The following APC variants were observed in gnomAD, a reference collection of about 807,000 sequenced individuals.
The protein encoded by APC is APC regulator of Wnt signaling pathway.
APC carries 72 observed loss-of-function variants against 247.0 expected under a neutral mutation model. The ratio of observed to expected loss-of-function variants is 0.29; its 90% CI spans 0.24 to 0.35. The LOEUF (loss-of-function observed/expected upper bound fraction) is 0.35, where lower values mean the gene tolerates loss of function less well. APC is among the 10% of genes least tolerant of loss of function. The pLI is 1.00. For synonymous variants in APC, 1,254 were observed against 1,162.5 expected (o/e 1.08, Z -1.60); for missense variants, 3,400 against 3,360.7 (o/e 1.01, Z -0.29).
At chr5:112,820,046 T>C (rs368984527) in intron 10 of APC, among the ~76,000 whole-genome samples, 19 of 152,088 alleles carry the variant, frequency 1.2e-4, no homozygotes, top group African/African-American at 4.6e-4. Flanking sequence ...AAGGGACCCT[T>C]AGACCTCAGC....
intron 4 of APC, among the ~76,000 whole-genome samples, chr5:112,771,913 C>G (rs1757095465): frequency 6.6e-6 from 1 of 152,066 alleles, no homozygotes; most frequent in Admixed American, 6.6e-5. Flanking sequence ...GCTTTATAAG[C>G]TGGGTTTTGA....
intron 7 of APC, among the ~76,000 whole-genome samples, chr5:112,800,637 G>A (rs915037396): frequency 6.6e-6 from 1 of 151,978 alleles, no homozygotes; most frequent in Non-Finnish European, 1.5e-5. Context: ...TAATTTTGTG[G>A]TGGTATTTTT....
In APC at chr5:112,707,543, G is replaced by A. The variant is rs1334013498; in HGVS notation, c.-175G>A. 2 of 533,226 alleles carry A rather than the reference G, an allele frequency of 3.8e-6. No individual in the cohort carries two copies. Among genetic ancestry groups the A allele is most frequent in the South Asian group, 3.8e-5 (2 of 52,598 alleles). The allele number at this position is 533,226 out of a possible 1,614,324, so 33.0% of individuals were successfully genotyped here. ...CCCACAAGATGGCGGAGGGCAAGTAGCAAGGGGGCGGGGTGTGGCCGCCGG... is the reference window on the plus strand; with the variant it reads ...CCCACAAGATGGCGGAGGGCAAGTAACAAGGGGGCGGGGTGTGGCCGCCGG... On this transcript the variant is annotated 5_prime_UTR_variant, in exon 1 of 14. Transcript: ENST00000507379.
At chr5:112,812,504 A>G (rs1423989927) in intron 8 of APC, among the ~76,000 whole-genome samples, 1 of 151,998 alleles carries the variant, frequency 6.6e-6, no homozygotes, top group Non-Finnish European at 1.5e-5. Flanking sequence ...CACAAACACA[A>G]CTATACCATA....
intron 12 of APC, among the ~76,000 whole-genome samples, chr5:112,827,623 G>A (rs1763835346): frequency 6.6e-6 from 1 of 152,158 alleles, no homozygotes; most frequent in South Asian, 2.1e-4. Context: ...TTAAGACCAA[G>A]GCAAGTGTTA....
Position 112,842,665 on chromosome 5 carries a change from G to C in APC, c.7071G>C (p.Lys2357Asn), listed in dbSNP as rs1249303627. ...RTSSPSTAST[K>N]SSGSGKMSYT... ...CATCCCCTAGTACTGCTTCAACTAAGTCCTCAGGTTCTGGAAAAATGTCAT... is the reference window on the plus strand; with the variant it reads ...CATCCCCTAGTACTGCTTCAACTAACTCCTCAGGTTCTGGAAAAATGTCAT... The change falls in exon 16 of 16, where the codon AAG becomes AAC. Residue 2357 changes from lysine to asparagine, a missense_variant. Physicochemically the swap from Lys to Asn is moderately conservative, Grantham distance 94. Around this residue, in one of 9 missense-constraint regions of APC, gnomAD observed 1,788 missense variants for 1,649.5 expected, o/e 1.08. Coordinates refer to ENST00000257430, the MANE Select transcript of APC (RefSeq NM_000038.6). The C allele has an allele frequency of 6.2e-7, 1 of 1,613,700 alleles. No individual in the cohort carries two copies. The highest frequency in any genetic ancestry group is 8.5e-7 in the Non-Finnish European group (1 of 1,179,716).
chr5:112,741,893 G>T (rs991975577), intron 1 of APC, among the ~76,000 whole-genome samples: 23 of 151,846 alleles, frequency 1.5e-4, no homozygotes, highest in African/African-American at 5.6e-4. Context: ...TTTTGCACCT[G>T]GCTTATTTCA....
chr5:112,756,016 C>T (rs936292657), intron 2 of APC, among the ~76,000 whole-genome samples: 14 of 151,626 alleles, frequency 9.2e-5, no homozygotes, highest in Admixed American at 8.5e-4. Context: ...TCCCTCTTGG[C>T]TATTTTAACA....
chr5:112,797,099 C>G (rs571063381), intron 7 of APC, among the ~76,000 whole-genome samples: 5 of 151,988 alleles, frequency 3.3e-5, no homozygotes, highest in African/African-American at 1.2e-4. Context: ...ACTTTTTATT[C>G]ATATTATTGG....
intron 7 of APC, among the ~76,000 whole-genome samples, chr5:112,793,908 G>A (rs1759919862): frequency 6.6e-6 from 1 of 152,030 alleles, no homozygotes; most frequent in Admixed American, 6.6e-5. Context: ...AGAAGGAAGA[G>A]AAAACAAATT....
At chr5:112,749,479 A>ATTTTTTTTTT (rs536428390) in intron 1 of APC, among the ~76,000 whole-genome samples, 3 of 104,066 alleles carry the variant, frequency 2.9e-5, no homozygotes, top group Non-Finnish European at 3.8e-5. Context: ...TACTGCTCCA[A>ATTTTTTTTTT]TTTTTTTTTT....
intron 11 of APC, among the ~76,000 whole-genome samples, chr5:112,825,790 A>G (rs1454626544): frequency 2.0e-5 from 3 of 152,224 alleles, no homozygotes; most frequent in Admixed American, 2.0e-4. Context: ...GCCTAATCCC[A>G]GGTCTAAGTT....
chr5:112,818,863 G>GT (rs1334562859), intron 9 of APC, 103 bp from the exon 10 acceptor site: 81 of 758,736 alleles, frequency 1.1e-4, no homozygotes, highest in South Asian at 4.9e-4. Context: ...GGGTTGTTTT[G>GT]TTTTTTTAGA....
At chr5:112,733,078 T>A (rs965765405), upstream of APC, among the ~76,000 whole-genome samples, 2 of 152,232 alleles carry the variant, frequency 1.3e-5, no homozygotes, top group Non-Finnish European at 2.9e-5. Flanking sequence ...AAGTCTTCAA[T>A]CTCCATATGC....
At chr5:112,791,837 T>C (rs2149681813) in intron 6 of APC, among the ~76,000 whole-genome samples, 1 of 152,352 alleles carries the variant, frequency 6.6e-6, no homozygotes, top group Non-Finnish European at 1.5e-5. Context: ...CAATGTGTAT[T>C]GTGTCAATTT....
At chr5:112,801,237 A>G in intron 7 of APC, 42 bp from the exon 8 acceptor site, 1 of 1,542,392 alleles carries the variant, frequency 6.5e-7, no homozygotes, top group East Asian at 2.3e-5. Flanking sequence ...AAGAAAGCCT[A>G]CACCATTTTT....
At chr5:112,815,618 T>C (rs776834933) in intron 9 of APC, 25 bp downstream of exon 9, 2 of 1,564,272 alleles carry the variant, frequency 1.3e-6, no homozygotes, top group African/African-American at 1.4e-5. Flanking sequence ...CAAACCCTGG[T>C]CACTAATGCC....
At position 112,845,347 on chromosome 5, in the gene APC, C is replaced by T. The variant is rs1402318373; in HGVS notation, c.*1221C>T. 4 of 232,726 alleles carry T rather than the reference C, an allele frequency of 1.7e-5. No individual in the cohort carries two copies. The highest frequency in any genetic ancestry group is 2.6e-5 in the Non-Finnish European group (3 of 117,550). The allele number at this position is 232,726 out of a possible 1,614,324, so 14.4% of individuals were successfully genotyped here. A position where few individuals can be genotyped will look rare whatever the true frequency, so the allele number is the denominator to read the frequency against. On this transcript the variant is annotated 3_prime_UTR_variant, in exon 16 of 16. Transcript: ENST00000257430. The stretch of plus-strand genomic sequence containing the variant: ...TGAGCATAATAGGCCCACATAATTT[C>T]CTCTTTCTTAATATTATAGAATTCT...
intron 1 of APC, among the ~76,000 whole-genome samples, chr5:112,716,937 C>T (rs972821839): frequency 4.6e-5 from 7 of 152,126 alleles, no homozygotes; most frequent in African/African-American, 1.4e-4. Flanking sequence ...ATACCTTTAT[C>T]CTATTCTCAG....
Sources: gnomAD v4.1 joint callset for allele counts (sites outside exome capture counted in the v4.1 genomes callset) on GRCh38, gnomAD v4.1.1 for gene constraint, gnomAD v4.1.1 regional missense constraint, MANE v1.5 for transcripts, NCBI Gene and HGNC (gene_info 2026-07-23, HGNC 2026-07-21) for gene names.